The following CTNNA2 variants were observed in gnomAD, a reference collection of about 807,000 sequenced individuals.
The protein encoded by CTNNA2 is catenin alpha-2.
Under a neutral mutation model 101.0 loss-of-function variants are expected in CTNNA2, and 42 were observed. The ratio of observed to expected loss-of-function variants is 0.42; its 90% CI spans 0.32 to 0.54. The LOEUF is 0.54. Among genes scored for constraint, CTNNA2 ranks in the 20% least tolerant of loss-of-function variants. CTNNA2 has a pLI of 0.14. For missense variants in CTNNA2, 871 were observed against 1,223.1 expected, an observed-to-expected ratio of 0.71 and a Z score of 4.29; for synonymous variants, 450 against 456.4, an observed-to-expected ratio of 0.99 and a Z score of 0.18.
At chr2:80,415,291 C>T (rs76630487) in intron 8 of CTNNA2, among the ~76,000 whole-genome samples, 264 of 152,236 alleles carry the variant, frequency 1.7e-3, no homozygotes, top group Non-Finnish European at 3.4e-3. Flanking sequence ...TTCTGGCTTG[C>T]CCCTGGGAGT....
intron 4 of CTNNA2, among the ~76,000 whole-genome samples, chr2:79,864,417 A>T (rs140595597): frequency 3.3e-4 from 50 of 152,272 alleles, no homozygotes; most frequent in Admixed American, 1.6e-3. Context: ...CAGGTTATGG[A>T]CAGTCTTGGA....
At chr2:79,937,012 A>G (rs879501268) in intron 7 of CTNNA2, among the ~76,000 whole-genome samples, 7 of 152,214 alleles carry the variant, frequency 4.6e-5, no homozygotes, top group Admixed American at 3.9e-4. Context: ...GAAATTACAC[A>G]TAGAAAATAA....
At chr2:80,343,850 A>T (rs1461617941) in intron 7 of CTNNA2, among the ~76,000 whole-genome samples, 1 of 152,234 alleles carries the variant, frequency 6.6e-6, no homozygotes, top group African/African-American at 2.4e-5. Context: ...ATTCTGTGGC[A>T]TCATTTCTAT....
chr2:80,087,509 G>T (rs1375794253), intron 7 of CTNNA2, among the ~76,000 whole-genome samples: 10 of 151,988 alleles, frequency 6.6e-5, no homozygotes, highest in African/African-American at 2.4e-4. Flanking sequence ...TGTGAAGTGG[G>T]TCTGAGGATT....
chr2:79,338,602 T>C (rs1325567312), intron 3 of CTNNA2, among the ~76,000 whole-genome samples: 2 of 146,344 alleles, frequency 1.4e-5, no homozygotes, highest in East Asian at 4.0e-4. Flanking sequence ...CTTCTTCTTC[T>C]TCTTCTTCTT....
intron 7 of CTNNA2, among the ~76,000 whole-genome samples, chr2:79,945,077 C>A (rs1558662993): frequency 6.6e-6 from 1 of 152,118 alleles, no homozygotes; most frequent in Admixed American, 6.5e-5. Flanking sequence ...GGGTCTCATT[C>A]TGTCACCCAG....
intron 3 of CTNNA2, among the ~76,000 whole-genome samples, chr2:79,791,720 C>T (rs1368780296): frequency 6.6e-6 from 1 of 152,130 alleles, no homozygotes; most frequent in Non-Finnish European, 1.5e-5. Context: ...GGGTGTTCCA[C>T]AAAGACCAAG....
At chr2:79,871,585 C>T (rs896107215) in intron 5 of CTNNA2, among the ~76,000 whole-genome samples, 2 of 152,068 alleles carry the variant, frequency 1.3e-5, no homozygotes, top group African/African-American at 4.8e-5. Flanking sequence ...TCTGTCGTTG[C>T]CCCCAGCCGA....
At chr2:79,930,308 GAAAGAA>G (rs1558650995) in intron 7 of CTNNA2, among the ~76,000 whole-genome samples, 1 of 86,466 alleles carries the variant, frequency 1.2e-5, no homozygotes. Flanking sequence ...AAGAAAGAAA[GAAAGAA>G]AGAAAGAAAG....
chr2:79,965,827 C>CAAAAAAAAAAAAAAAAAAAAAA (rs10686940), intron 7 of CTNNA2, among the ~76,000 whole-genome samples: 11 of 77,990 alleles, frequency 1.4e-4, no homozygotes, highest in African/African-American at 2.6e-4. Flanking sequence ...GAGACTATGT[C>CAAAAAAAAAAAAAAAAAAAAAA]AAAAAAAAAA....
chr2:79,765,747 G>A (rs1457569931), intron 3 of CTNNA2, among the ~76,000 whole-genome samples: 1 of 152,166 alleles, frequency 6.6e-6, no homozygotes, highest in East Asian at 1.9e-4. Context: ...CTCCAGAAAG[G>A]CTTGTGAATT....
At chr2:80,298,213 A>G (rs771246388) in intron 7 of CTNNA2, 11 of 152,152 alleles carry the variant, frequency 7.2e-5, no homozygotes, top group Non-Finnish European at 1.0e-4. Context: ...AATATATTTC[A>G]GAAGCACATT....
At chr2:80,504,050 A>G (rs1688075745) in intron 9 of CTNNA2, among the ~76,000 whole-genome samples, 1 of 152,160 alleles carries the variant, frequency 6.6e-6, no homozygotes, top group South Asian at 2.1e-4. Context: ...GTATTATCTC[A>G]AAGTTTGTAT....
chr2:79,476,689 G>T (rs1671054355), intron 4 of CTNNA2, among the ~76,000 whole-genome samples: 1 of 152,122 alleles, frequency 6.6e-6, no homozygotes, highest in Non-Finnish European at 1.5e-5. Context: ...TTGGCCCATT[G>T]TTACTTCTCT....
intron 4 of CTNNA2, among the ~76,000 whole-genome samples, chr2:79,473,295 T>G (rs374293009): frequency 2.4e-4 from 36 of 152,234 alleles, no homozygotes; most frequent in South Asian, 4.2e-4. Context: ...TATCTGAGCA[T>G]TGAGGTAATA....
intron 6 of CTNNA2, among the ~76,000 whole-genome samples, chr2:79,879,765 CAG>C (rs1236321283): frequency 2.0e-5 from 3 of 152,110 alleles, no homozygotes; most frequent in South Asian, 2.1e-4. Context: ...TGTCTGCAAA[CAG>C]AGAAAATTTG....
chr2:80,634,038 G>T (rs983888829), intron 18 of CTNNA2, among the ~76,000 whole-genome samples: 2 of 152,130 alleles, frequency 1.3e-5, no homozygotes, highest in Non-Finnish European at 2.9e-5. Flanking sequence ...ACTAGGCATT[G>T]TGCCCTAGCT....
chr2:79,652,210 A>C (rs958202040), intron 2 of CTNNA2, among the ~76,000 whole-genome samples: 3 of 148,696 alleles, frequency 2.0e-5, no homozygotes, highest in Admixed American at 6.7e-5. Flanking sequence ...GCTCTTTGCT[A>C]TTTTAACTCT....
Position 80,608,332 on chromosome 2 carries a change from G to T in CTNNA2, c.2430+14G>T. 1 of 1,602,766 alleles carries T rather than the reference G, an allele frequency of 6.2e-7. No homozygotes were observed. The highest frequency in any genetic ancestry group is 1.1e-5 in the South Asian group (1 of 90,164). ...ATTGTGTCAGGGGTAAGCTGGACTT[G>T]GGCTTCACAATGTAAAGTTCCCACC... On this transcript the variant is annotated intron_variant, in intron 17 of 18. Transcript: ENST00000402739.
Sources: gnomAD v4.1 joint callset for allele counts (sites outside exome capture counted in the v4.1 genomes callset) on GRCh38, gnomAD v4.1.1 for gene constraint, MANE v1.5 for transcripts, NCBI Gene and HGNC (gene_info 2026-07-23, HGNC 2026-07-21) for gene names.